Variants in KCNMA1 observed in about 807,000 individuals in gnomAD.
The protein encoded by KCNMA1 is Calcium-activated potassium channel subunit alpha-1.
In KCNMA1, 29 loss-of-function variants were observed where a neutral mutation model predicts 140.0. The observed-to-expected ratio is 0.21, with a 90% CI of 0.15 to 0.28. The LOEUF (loss-of-function observed/expected upper bound fraction) is 0.28, where lower values mean the gene tolerates loss of function less well. KCNMA1 is among the 10% of genes least tolerant of loss of function. The probability of loss-of-function intolerance (pLI) is 1.00; values close to 1 mark genes in which losing one functional copy is unlikely to be tolerated. For synonymous variants in KCNMA1, 612 were observed against 611.9 expected, an observed-to-expected ratio of 1.00 and a Z score of 0.00; for missense variants, 880 against 1,602.2, an observed-to-expected ratio of 0.55 and a Z score of 7.70.
intron 12 of KCNMA1, among the ~76,000 whole-genome samples, chr10:77,081,715 C>T (rs942118925): frequency 6.6e-6 from 1 of 152,156 alleles, no homozygotes; most frequent in Non-Finnish European, 1.5e-5. Context: ...CGTTGGCCCA[C>T]GCTTATAACT....
chr10:77,042,146 C>T (rs1040313438), intron 14 of KCNMA1, among the ~76,000 whole-genome samples: 2 of 152,108 alleles, frequency 1.3e-5, no homozygotes, highest in Non-Finnish European at 2.9e-5. Flanking sequence ...AGTTTATCTA[C>T]AAATTGGCCT....
chr10:77,500,909 A>C (rs2043627087), intron 1 of KCNMA1, among the ~76,000 whole-genome samples: 1 of 152,226 alleles, frequency 6.6e-6, no homozygotes, highest in African/African-American at 2.4e-5. Flanking sequence ...AGTACAGCAC[A>C]GACTAGTGTG....
intron 5 of KCNMA1, among the ~76,000 whole-genome samples, chr10:77,154,774 G>A (rs2098463680): frequency 6.6e-6 from 1 of 152,224 alleles, no homozygotes; most frequent in African/African-American, 2.4e-5. Context: ...TCACAAGTAG[G>A]TTACGGCCTA....
At chr10:77,552,190 A>G (rs1267077531) in intron 1 of KCNMA1, among the ~76,000 whole-genome samples, 2 of 152,188 alleles carry the variant, frequency 1.3e-5, no homozygotes, top group Admixed American at 6.5e-5. Flanking sequence ...GCCCAGCATG[A>G]GGTGTGCTGG....
intron 5 of KCNMA1, among the ~76,000 whole-genome samples, chr10:77,158,190 CTTT>C (rs112215072): frequency 1.9e-4 from 29 of 152,252 alleles, no homozygotes; most frequent in African/African-American, 6.7e-4. Flanking sequence ...CAAGAATCTT[CTTT>C]GAGGCAAAAG....
chr10:77,190,659 G>A (rs1002440040), intron 3 of KCNMA1, among the ~76,000 whole-genome samples: 1 of 152,286 alleles, frequency 6.6e-6, no homozygotes, highest in Admixed American at 6.5e-5. Flanking sequence ...CTAGGAAAAT[G>A]CAGAGGAAGC....
chr10:77,310,645 T>C (rs1297980362), intron 2 of KCNMA1, among the ~76,000 whole-genome samples: 3 of 152,232 alleles, frequency 2.0e-5, no homozygotes, highest in Admixed American at 1.3e-4. Context: ...ACAGACGAGC[T>C]TTGGAGGAAA....
intron 2 of KCNMA1, among the ~76,000 whole-genome samples, chr10:77,290,528 G>A (rs958364462): frequency 2.6e-5 from 4 of 152,278 alleles, no homozygotes; most frequent in African/African-American, 9.6e-5. Flanking sequence ...CTGAGGAAGG[G>A]TTGTATCTTC....
Position 76,887,407 on chromosome 10 carries a change from G to A in KCNMA1, c.3570C>T (p.Ser1190=). ...HNAGQSRASL[S]HSSHSSQSSS... is the part of the protein sequence containing the mutation. ...AGGACTGCGACGAGTGGGAGGAATG[G>A]GACAGGCTGGCCCGGGACTGGCCGG... Residue 1190 remains serine (S), a synonymous_variant, in exon 28 of 28, where the codon TCC becomes TCT. Coordinates refer to ENST00000286628, the MANE Select transcript of KCNMA1 (RefSeq NM_001161352.2). The A allele has an allele frequency of 6.2e-7, 1 of 1,614,164 alleles. No individual in the cohort carries two copies. The highest frequency in any genetic ancestry group is 8.5e-7 in the Non-Finnish European group (1 of 1,180,036).
chr10:77,063,890 C>T (rs1565865381), intron 14 of KCNMA1: 7 of 985,270 alleles, frequency 7.1e-6, no homozygotes, highest in Non-Finnish European at 8.4e-6. Flanking sequence ...CAGACTGATG[C>T]TTGGCCAGAG....
At chr10:77,635,275 C>A (rs1390820102) in intron 1 of KCNMA1, 7 of 152,132 alleles carry the variant, frequency 4.6e-5, no homozygotes, top group Non-Finnish European at 1.0e-4. Flanking sequence ...TTTATGTACC[C>A]CCTAACATAA....
chr10:77,127,017 C>A (rs925351550), intron 5 of KCNMA1, among the ~76,000 whole-genome samples: 15 of 151,544 alleles, frequency 9.9e-5, no homozygotes, highest in African/African-American at 3.6e-4. Context: ...GGAGTGTACA[C>A]ACGCCACAGA....
chr10:77,460,585 G>GA (rs1566966913), intron 1 of KCNMA1, among the ~76,000 whole-genome samples: 3 of 151,330 alleles, frequency 2.0e-5, no homozygotes, highest in Non-Finnish European at 2.9e-5. Flanking sequence ...CTCAGCCTTA[G>GA]AAAAAAAATG....
Position 77,525,804 on chromosome 10 carries a change from A to G in KCNMA1, c.378+111461T>C, listed in dbSNP as rs543352681. On this transcript the variant is annotated intron_variant, in intron 1 of 27. Coordinates refer to ENST00000286628, the MANE Select transcript of KCNMA1 (RefSeq NM_001161352.2). ...TCCTCCTCGTTACTAACATGGCCCC[A>G]TCTTGTCCAGGTTCCCACTCCTTCT... Among the ~76,000 whole-genome samples the G allele has an allele frequency of 3.3e-5, 5 of 152,260 alleles. No individual in the cohort carries two copies. The South Asian group carries it at 1.0e-3, about 32-fold the overall frequency.
intron 2 of KCNMA1, among the ~76,000 whole-genome samples, chr10:77,331,181 A>G (rs2086262655): frequency 6.6e-6 from 1 of 152,052 alleles, no homozygotes; most frequent in Non-Finnish European, 1.5e-5. Flanking sequence ...AGAACTTTTA[A>G]ATCCCACGCT....
At chr10:77,271,435 A>G (rs1033935982) in intron 2 of KCNMA1, among the ~76,000 whole-genome samples, 3 of 152,218 alleles carry the variant, frequency 2.0e-5, no homozygotes, top group African/African-American at 7.2e-5. Flanking sequence ...AAGAAGCACA[A>G]GAGTTAAGGG....
Position 77,243,892 on chromosome 10 carries a change from A to G in KCNMA1, c.602+7303T>C, listed in dbSNP as rs111684809. Among the ~76,000 whole-genome samples, 430 of 152,248 alleles carry G rather than the reference A, an allele frequency of 2.8e-3. 4 individuals carry two copies. The highest frequency in any genetic ancestry group is 9.7e-3 in the African/African-American group (404 of 41,548). On this transcript the variant is annotated intron_variant, in intron 3 of 27. Transcript: ENST00000286628. ...AGATTAGTAGGAGGGTCATAAAATC[A>G]AGGAATTCAAGGCCTCTCACCAGTG...
chr10:77,100,179 C>G (rs2097060659), intron 9 of KCNMA1, among the ~76,000 whole-genome samples: 1 of 152,170 alleles, frequency 6.6e-6, no homozygotes, highest in Admixed American at 6.5e-5. Flanking sequence ...CCACATTTTA[C>G]CCACAGCACA....
At chr10:77,129,457 G>C (rs2097806048) in intron 5 of KCNMA1, among the ~76,000 whole-genome samples, 1 of 152,092 alleles carries the variant, frequency 6.6e-6, no homozygotes, top group Non-Finnish European at 1.5e-5. Context: ...GTTAATCCGA[G>C]TAATCACTTG....
Sources: allele counts gnomAD v4.1 joint callset (sites outside exome capture counted in the v4.1 genomes callset), GRCh38; gene constraint gnomAD v4.1.1; transcripts MANE v1.5; gene names NCBI Gene and HGNC (gene_info 2026-07-23, HGNC 2026-07-21).